Variants in PREB observed in about 807,000 individuals in gnomAD.
The protein encoded by PREB is guanine nucleotide-exchange factor SEC12.
Under a neutral mutation model 46.7 loss-of-function variants are expected in PREB, and 29 were observed. The observed-to-expected ratio is 0.62, with a 90% CI of 0.46 to 0.85. The LOEUF (loss-of-function observed/expected upper bound fraction) is 0.85, where lower values mean the gene tolerates loss of function less well. PREB is among the 40% of genes least tolerant of loss of function. The pLI is 0.00. For synonymous variants in PREB, 224 were observed against 220.1 expected (o/e 1.02, Z -0.16); for missense variants, 494 against 528.4 (o/e 0.93, Z 0.64).
intron 1 of PREB, 193 bp downstream of exon 1, chr2:27,134,094 A>G: frequency 1.3e-6 from 1 of 776,710 alleles, no homozygotes; most frequent in African/African-American, 1.8e-5. Flanking sequence ...TTTTCACTTT[A>G]CCTTAAAAGC....
chr2:27,133,370 T>C (rs1329966045), intron 2 of PREB, 33 bp from the exon 3 acceptor site: 9 of 1,612,158 alleles, frequency 5.6e-6, no homozygotes, highest in Non-Finnish European at 1.7e-6. Context: ...GGTTCCAGGC[T>C]TCTACAGTAA....
chr2:27,134,602 C>G lies in PREB; in HGVS notation c.-181G>C. The G allele has an allele frequency of 7.5e-7, 1 of 1,335,302 alleles. No homozygotes were observed. Among genetic ancestry groups the G allele is most frequent in the Non-Finnish European group, 9.5e-7 (1 of 1,048,494 alleles). The allele number at this position is 1,335,302 out of a possible 1,614,324, so 82.7% of individuals were successfully genotyped here. On this transcript the variant is annotated 5_prime_UTR_variant, in exon 1 of 9. Coordinates refer to ENST00000260643, the MANE Select transcript of PREB (RefSeq NM_013388.6). ...ATCAGCAGGAAGCCGAGCCTCAGCT[C>G]GGCTCCGTCCAAGTCGGTCTCGCAG...
rs1672298795 is a variant in PREB at position 27,132,023 on chromosome 2, G to C, written c.986C>G (p.Ala329Gly). ...TCCACCCATTACCTGGAGAGAGAAAGCTATGTAGATGGCAACAGAGCCAGT... is the reference window on the plus strand; with the variant it reads ...TCCACCCATTACCTGGAGAGAGAAACCTATGTAGATGGCAACAGAGCCAGT... ...TVTGSVAIYI[A>G]FSLQCLYYVR... The change falls in exon 7 of 9, where the codon GCT (alanine) becomes GGT (glycine). Residue 329 changes from alanine to glycine, a missense_variant. By Grantham distance (60) the Ala-to-Gly change is moderately conservative. Transcript: ENST00000260643. The surrounding 1 kb of genome is among the most constrained non-coding windows in gnomAD (Gnocchi z 4.0). 1.2e-6 allele frequency: 2 copies of C among 1,613,956 alleles called. No individual in the cohort carries two copies. Among genetic ancestry groups the C allele is most frequent in the Admixed American group, 1.7e-5 (1 of 60,004 alleles).
rs1672221778 is a variant in PREB, at chr2:27,130,857, A to T, written c.*557T>A. On this transcript the variant is annotated 3_prime_UTR_variant, in exon 9 of 9. Coordinates refer to ENST00000260643, the MANE Select transcript of PREB (RefSeq NM_013388.6). The stretch of plus-strand genomic sequence containing the variant: ...CCATTCCTCAAGGTAAGGGTAGACT[A>T]CCTAGGAACTTATTGCATCTTTAGG... 2 of 1,248,868 alleles carry T rather than the reference A, an allele frequency of 1.6e-6. No homozygotes were observed. The highest frequency in any genetic ancestry group is 1.5e-5 in the African/African-American group (1 of 66,622). 77.4% of individuals were successfully genotyped at this position (1,248,868 alleles called of 1,614,324 possible).
chr2:27,134,062 G>C, intron 1 of PREB: 1 of 667,782 alleles, frequency 1.5e-6, no homozygotes, highest in Non-Finnish European at 2.5e-6. Flanking sequence ...AGCGTTCCTG[G>C]CGACTCTGCA....
intron 2 of PREB, 53 bp downstream of exon 2, chr2:27,133,479 T>G: frequency 6.3e-7 from 1 of 1,597,152 alleles, no homozygotes; most frequent in African/African-American, 1.3e-5. Flanking sequence ...ACACCAAGAG[T>G]GACCTTACTC....
At position 27,131,322 on chromosome 2, in the gene PREB, G is replaced by T. The variant is rs773598550; in HGVS notation, c.*92C>A. On this transcript the variant is annotated 3_prime_UTR_variant, in exon 9 of 9. Transcript: ENST00000260643. The stretch of plus-strand genomic sequence containing the variant: ...CTTGTCAGCGGCAACCTCAGCTGTG[G>T]ACCCGAATGGAGTGAGCAAAGGGAG... 2 of 1,188,400 alleles carry T rather than the reference G, an allele frequency of 1.7e-6. No individual in the cohort carries two copies. The highest frequency in any genetic ancestry group is 1.3e-5 in the South Asian group (1 of 75,422). 73.6% of individuals were successfully genotyped at this position (1,188,400 alleles called of 1,614,324 possible). A position where few individuals can be genotyped will look rare whatever the true frequency, so the allele number is the denominator to read the frequency against.
At chr2:27,131,867 A>G in intron 7 of PREB, 36 bp from the exon 8 acceptor site, 1 of 1,607,472 alleles carries the variant, frequency 6.2e-7, no homozygotes, top group Non-Finnish European at 8.5e-7. Context: ...GGAAAGGCCT[A>G]GCTGGGAACT....
In PREB at chr2:27,132,096, T is replaced by C. The variant is rs776086709; in HGVS notation, c.927-14A>G. Reference sequence around the variant, plus strand: ...GTGCCGGATTCACTGCAACAAACAATAAAGAGCTCATTGTCCTGGAGGCTT... The same window carrying C: ...GTGCCGGATTCACTGCAACAAACAACAAAGAGCTCATTGTCCTGGAGGCTT... On this transcript the variant is annotated splice_polypyrimidine_tract_variant and intron_variant, in intron 6 of 8. Transcript: ENST00000260643. The surrounding 1 kb of genome is among the most constrained non-coding windows in gnomAD (Gnocchi z 4.0). 3.8e-5 allele frequency: 62 copies of C among 1,613,608 alleles called. No individual in the cohort carries two copies. The highest frequency in any genetic ancestry group is 5.1e-5 in the Non-Finnish European group (60 of 1,179,688).
chr2:27,133,857 T>G, intron 1 of PREB, 136 bp from the exon 2 acceptor site: 2 of 769,202 alleles, frequency 2.6e-6, no homozygotes, highest in South Asian at 2.4e-5. Flanking sequence ...TTTCTCTCAT[T>G]TGGGCCTCAC....
intron 1 of PREB, 40 bp from the exon 2 acceptor site, chr2:27,133,761 C>A: frequency 6.3e-7 from 1 of 1,589,886 alleles, no homozygotes; most frequent in Non-Finnish European, 8.6e-7. Flanking sequence ...TTCAGGGGTG[C>A]CCAGAGAGCA....
At position 27,131,757 on chromosome 2, in the gene PREB, A is replaced by C. The variant is rs1459946975; in HGVS notation, c.1074T>G (p.Gly358=). 1 of 1,614,108 alleles carries C rather than the reference A, an allele frequency of 6.2e-7. No homozygotes were observed. The highest frequency in any genetic ancestry group is 8.5e-7 in the Non-Finnish European group (1 of 1,179,980). ...TTTCATGGGACCCAAGGAGCTCTGG[A>C]CCACGACCCTTCTCAGGTAGAAAGG... The part of the protein sequence containing the change: ...DVAFLPEKGR[G]PELLGSHETA... The change falls in exon 8 of 9, where the codon GGT becomes GGG. Residue 358 remains glycine, a synonymous_variant. Coordinates refer to ENST00000260643, the MANE Select transcript of PREB (RefSeq NM_013388.6).
At position 27,131,301 on chromosome 2, in the gene PREB, T is replaced by C. The variant is rs887863850; in HGVS notation, c.*113A>G. 3.0e-6 allele frequency: 3 copies of C among 988,954 alleles called. No individual in the cohort carries two copies. In the African/African-American group the frequency reaches 4.9e-5, roughly 16 times the overall value. 61.3% of individuals were successfully genotyped at this position (988,954 alleles called of 1,614,324 possible). A position where few individuals can be genotyped will look rare whatever the true frequency, so the allele number is the denominator to read the frequency against. ...GGGCAGGCAGTGCCCATTCATCTTG[T>C]CAGCGGCAACCTCAGCTGTGGACCC... On this transcript the variant is annotated 3_prime_UTR_variant, in exon 9 of 9. Transcript: ENST00000260643.
rs758388462 is a variant in PREB at position 27,134,432 on chromosome 2, G to C, written c.-11C>G. 12 of 1,551,882 alleles carry C rather than the reference G, an allele frequency of 7.7e-6. No homozygotes were observed. Among genetic ancestry groups the C allele is most frequent in the African/African-American group, 1.4e-5 (1 of 71,002 alleles). ...CCGGCGCCGGCCCATCCCGCCCGGC[G>C]CGCGTTCACTGCCCGCACCGCGGCA... On this transcript the variant is annotated 5_prime_UTR_variant, in exon 1 of 9. Coordinates refer to ENST00000260643, the MANE Select transcript of PREB (RefSeq NM_013388.6).
Position 27,131,469 on chromosome 2 carries a change from C to A in PREB, c.1199G>T (p.Gly400Val). The change falls in exon 9 of 9, where the codon GGG becomes GTG. Residue 400 changes from glycine (G) to valine (V), a missense_variant. Coordinates refer to ENST00000260643, the MANE Select transcript of PREB (RefSeq NM_013388.6). Reference protein sequence around the residue: ...PVWLLLLLCVGLIIVTILLLQ... With the variant: ...PVWLLLLLCVVLIIVTILLLQ... ...CAGCAGGATGGTCACAATAATAAGC[C>A]CGACACACAGCAGGAGCAGGAGCCA... is the stretch of plus-strand genomic sequence containing the variant. 1 of 1,577,524 alleles carries A rather than the reference C, an allele frequency of 6.3e-7. No individual in the cohort carries two copies. The highest frequency in any genetic ancestry group is 8.6e-7 in the Non-Finnish European group (1 of 1,161,074).
rs764420019 is a variant in PREB, at chr2:27,132,349, A to T, written c.807T>A (p.Ile269=). 6.2e-6 allele frequency: 10 copies of T among 1,613,784 alleles called. No homozygotes were observed. In the Admixed American group the frequency reaches 1.7e-4, roughly 27 times the overall value. The part of the protein sequence containing the change: ...PAGLRLFTVQ[I]PHKRLRQPPP... ...GGGGCTGGCGCAGGCGCTTGTGGGG[A>T]ATTTGCACTGTGAAGAGTCGCAGGC... Residue 269 remains isoleucine, a synonymous_variant, in exon 6 of 9, where the codon ATT becomes ATA. Transcript: ENST00000260643. This position sits in a 1 kb window ranked among gnomAD's most constrained non-coding sequence, Gnocchi z 4.0.
In PREB at chr2:27,132,601, A is replaced by C; in HGVS notation, c.752+2T>G. The C allele has an allele frequency of 1.2e-6, 2 of 1,613,670 alleles. No individual in the cohort carries two copies. Among genetic ancestry groups the C allele is most frequent in the Non-Finnish European group, 1.7e-6 (2 of 1,179,956 alleles). The stretch of plus-strand genomic sequence containing the variant: ...TTCAGCCACCACCCAAAGTCTTCAC[A>C]CCTGCAGGCCTGGTAGCGGTAAGGT... On this transcript the variant is annotated splice_donor_variant, in intron 5 of 8. Transcript: ENST00000260643. LOFTEE classifies it high-confidence loss of function. The surrounding 1 kb of genome is among the most constrained non-coding windows in gnomAD (Gnocchi z 4.0).
Position 27,132,906 on chromosome 2 carries a change from C to T in PREB, c.564G>A (p.Lys188=), listed in dbSNP as rs775520759. ...VRVWKVPSLE[K]VLEFKAHEGE... ...CTTCGTGGGCTTTGAACTCCAGAAC[C>T]TTCTCCAGGCTGGGCACCTGTAGCC... The change falls in exon 4 of 9, where the codon AAG becomes AAA. Residue 188 remains lysine (K), a synonymous_variant. Transcript: ENST00000260643. This position sits in a 1 kb window ranked among gnomAD's most constrained non-coding sequence, Gnocchi z 4.0. 1.2e-6 allele frequency: 2 copies of T among 1,614,114 alleles called. No homozygotes were observed. The highest frequency in any genetic ancestry group is 2.2e-5 in the East Asian group (1 of 44,880).
At position 27,132,425 on chromosome 2, in the gene PREB, A is replaced by G. The variant is rs774282726; in HGVS notation, c.753-22T>C. ...AAACCTGGGGGCCGGATGAGGGGCTATTCAGCTCCTAGGGCCTGCCCAACC... is the reference window on the plus strand; with the variant it reads ...AAACCTGGGGGCCGGATGAGGGGCTGTTCAGCTCCTAGGGCCTGCCCAACC... On this transcript the variant is annotated intron_variant, in intron 5 of 8. Transcript: ENST00000260643. This position sits in a 1 kb window ranked among gnomAD's most constrained non-coding sequence, Gnocchi z 4.0. 3.1e-6 allele frequency: 5 copies of G among 1,605,366 alleles called. No individual in the cohort carries two copies. The highest frequency in any genetic ancestry group is 3.4e-6 in the Non-Finnish European group (4 of 1,176,294).
Sources: allele counts gnomAD v4.1 joint callset, GRCh38; gene constraint gnomAD v4.1.1; non-coding constraint Gnocchi (gnomAD v3.1); transcripts MANE v1.5; gene names NCBI Gene and HGNC (gene_info 2026-07-23, HGNC 2026-07-21).